The following NCOR2 variants were observed in gnomAD, a reference collection of about 807,000 sequenced individuals.
NCOR2 encodes CTG repeat protein 26.
A neutral mutation model predicts 262.9 loss-of-function variants in NCOR2; 81 were observed. The ratio of observed to expected loss-of-function variants is 0.31; its 90% CI spans 0.26 to 0.37. The LOEUF (loss-of-function observed/expected upper bound fraction) is 0.37. NCOR2 is among the 10% of genes least tolerant of loss of function. The pLI, the probability that NCOR2 is intolerant of heterozygous loss-of-function variation, is 1.00. For synonymous variants in NCOR2, 1,659 were observed against 1,559.3 expected, an observed-to-expected ratio of 1.06 and a Z score of -1.51; for missense variants, 3,385 against 3,621.4, an observed-to-expected ratio of 0.93 and a Z score of 1.68.
Position 124,389,625 on chromosome 12 carries a change from G to A in NCOR2, c.1877-3738C>T, listed in dbSNP as rs1225187973. 6.6e-6 allele frequency among the ~76,000 whole-genome samples: 1 copy of A among 151,910 alleles called. No individual in the cohort carries two copies. The highest frequency in any genetic ancestry group is 1.5e-5 in the Non-Finnish European group (1 of 68,004). On this transcript the variant is annotated intron_variant, in intron 16 of 46. Transcript: ENST00000405201. The surrounding 1 kb of genome is among the most constrained non-coding windows in gnomAD (Gnocchi z 4.4). ...TCTGCCCCCTGCCTGGCCTGATGCT[G>A]CCGAGGCTGACCGAGCCCTCTGTCG...
At chr12:124,358,790 A>G (rs1285108682) in intron 22 of NCOR2, among the ~76,000 whole-genome samples, 2 of 152,140 alleles carry the variant, frequency 1.3e-5, no homozygotes, top group South Asian at 2.1e-4. Flanking sequence ...CATTACCGAG[A>G]GGTCATGCTC....
At chr12:124,525,646 C>T (rs183478813) in intron 1 of NCOR2, among the ~76,000 whole-genome samples, 50 of 152,354 alleles carry the variant, frequency 3.3e-4, no homozygotes, top group Admixed American at 2.8e-3. Flanking sequence ...CACATGGAGG[C>T]TGTCCCACAG....
intron 6 of NCOR2, among the ~76,000 whole-genome samples, chr12:124,453,489 G>A (rs2045669087): frequency 6.6e-6 from 1 of 152,240 alleles, no homozygotes; most frequent in Admixed American, 6.5e-5. Flanking sequence ...AGGGCAAAGG[G>A]GAGCAGGTGC....
At chr12:124,490,748 C>G (rs536289694) in intron 1 of NCOR2, among the ~76,000 whole-genome samples, 1 of 152,342 alleles carries the variant, frequency 6.6e-6, no homozygotes, top group South Asian at 2.1e-4. Flanking sequence ...AGCCTTAGCC[C>G]AGGGCAGTAC....
intron 17 of NCOR2, among the ~76,000 whole-genome samples, chr12:124,379,776 G>A (rs542904590): frequency 2.6e-5 from 4 of 152,356 alleles, no homozygotes; most frequent in African/African-American, 9.6e-5. Context: ...ATGCCACACT[G>A]GAGTGGGGTG....
chr12:124,546,586 T>C (rs1298874755), intron 1 of NCOR2, among the ~76,000 whole-genome samples: 1 of 152,172 alleles, frequency 6.6e-6, no homozygotes, highest in Admixed American at 6.5e-5. Context: ...AGCTAATTTT[T>C]GTATTTTTAG....
chr12:124,508,260 C>T (rs780590851), intron 1 of NCOR2, among the ~76,000 whole-genome samples: 18 of 152,240 alleles, frequency 1.2e-4, no homozygotes, highest in African/African-American at 1.7e-4. Flanking sequence ...CAGAAGTGGA[C>T]GCATCTGGGC....
chr12:124,357,953 G>A (rs1161942146), intron 22 of NCOR2, among the ~76,000 whole-genome samples: 15 of 151,170 alleles, frequency 9.9e-5, no homozygotes, highest in Admixed American at 9.2e-4. Context: ...GTGCATGGAT[G>A]TGTGTGTGCA....
chr12:124,558,743 G>C (rs1404441943), intron 1 of NCOR2, among the ~76,000 whole-genome samples: 5 of 152,176 alleles, frequency 3.3e-5, no homozygotes, highest in Non-Finnish European at 7.4e-5. Flanking sequence ...GGGCCCACGA[G>C]TCACAGTCAG....
chr12:124,455,457 C>T (rs1418151608), intron 6 of NCOR2, among the ~76,000 whole-genome samples: 3 of 152,218 alleles, frequency 2.0e-5, no homozygotes, highest in Admixed American at 6.5e-5. Context: ...AGGTGGGCAG[C>T]TGGGCCCTGC....
Position 124,481,817 on chromosome 12 carries a change from A to T in NCOR2, c.411+1779T>A, listed in dbSNP as rs138159422. Among the ~76,000 whole-genome samples the T allele has an allele frequency of 6.6e-6, 1 of 152,100 alleles. No homozygotes were observed. The highest frequency in any genetic ancestry group is 2.4e-5 in the African/African-American group (1 of 41,396). ...CAGGGGGATGCAGTCGTCTGCCTTT[A>T]TAAGAGCCCTCTGGCTGCTGCTTGG... On this transcript the variant is annotated intron_variant, in intron 3 of 46. Coordinates refer to ENST00000405201, the Ensembl canonical transcript of NCOR2. The surrounding 1 kb of genome is among the most constrained non-coding windows in gnomAD (Gnocchi z 4.6).
chr12:124,348,594 C>T (rs530863576), intron 28 of NCOR2: 2 of 484,336 alleles, frequency 4.1e-6, no homozygotes, highest in Non-Finnish European at 7.3e-6. Context: ...GCTCTGTCTG[C>T]AAGCAAGGGT....
intron 6 of NCOR2, 131 bp from the exon 9 acceptor site, chr12:124,449,998 T>G (rs953112569): frequency 1.1e-6 from 1 of 893,286 alleles, no homozygotes; most frequent in Admixed American, 2.5e-5. Flanking sequence ...CAGGCAGGCA[T>G]GAAACAGAAC....
chr12:124,429,423 C>A (rs1425075837), intron 10 of NCOR2, 190 bp downstream of exon 12: 4 of 624,774 alleles, frequency 6.4e-6, no homozygotes, highest in Non-Finnish European at 1.1e-5. Context: ...CACATTAACA[C>A]CCCTCTCTCT....
At chr12:124,536,023 C>T (rs897732128), upstream of NCOR2, among the ~76,000 whole-genome samples, 22 of 152,150 alleles carry the variant, frequency 1.4e-4, no homozygotes, top group African/African-American at 4.8e-4. Flanking sequence ...GGATGGGGTC[C>T]GGGGGTGGGG....
chr12:124,390,479 C>A (rs1337097783), intron 16 of NCOR2, among the ~76,000 whole-genome samples: 2 of 101,640 alleles, frequency 2.0e-5, no homozygotes, highest in African/African-American at 1.1e-4. Flanking sequence ...TCCAAAGTGA[C>A]CCCCCCCCGT....
intron 43 of NCOR2, 148 bp from the exon 46 acceptor site, chr12:124,331,046 G>A: frequency 1.4e-6 from 1 of 693,942 alleles, no homozygotes; most frequent in Non-Finnish European, 2.4e-6. Context: ...CTGGGACAGG[G>A]CCAAGCGTCT....
At chr12:124,342,494 C>T (rs2036536703) in intron 33 of NCOR2, among the ~76,000 whole-genome samples, 3 of 152,080 alleles carry the variant, frequency 2.0e-5, no homozygotes, top group South Asian at 2.1e-4. Flanking sequence ...CTCAGCCTCC[C>T]GAGTAGCTGG....
chr12:124,429,565 G>C (rs989072878), intron 10 of NCOR2, 48 bp downstream of exon 12: 2 of 1,544,528 alleles, frequency 1.3e-6, no homozygotes, highest in Non-Finnish European at 1.8e-6. Flanking sequence ...CCCTCACGGG[G>C]GATGCCAGGG....
Sources: allele counts gnomAD v4.1 joint callset (sites outside exome capture counted in the v4.1 genomes callset), GRCh38; gene constraint gnomAD v4.1.1; non-coding constraint Gnocchi (gnomAD v3.1); transcripts MANE v1.5; gene names NCBI Gene and HGNC (gene_info 2026-07-23, HGNC 2026-07-21).